The following MRC1 variants were observed in gnomAD, a reference collection of about 807,000 sequenced individuals.
MRC1 encodes the protein macrophage mannose receptor 1.
Under a neutral mutation model 102.9 loss-of-function variants are expected in MRC1, and 62 were observed. That is an observed-to-expected ratio of 0.60 (90% confidence interval 0.49 to 0.74). MRC1 has a LOEUF of 0.74. MRC1 is among the 30% of genes least tolerant of loss of function. The pLI, the probability that MRC1 is intolerant of heterozygous loss-of-function variation, is 0.00. For synonymous variants in MRC1, 457 were observed against 298.4 expected, an observed-to-expected ratio of 1.53 and a Z score of -5.48; for missense variants, 1,237 against 862.8, an observed-to-expected ratio of 1.43 and a Z score of -5.43.
At chr10:17,843,821 G>A (rs1293391664) in intron 5 of MRC1, among the ~76,000 whole-genome samples, 1 of 152,134 alleles carries the variant, frequency 6.6e-6, no homozygotes, top group African/African-American at 2.4e-5. Context: ...TCCAGACTTT[G>A]TGGAGCAGGT....
intron 22 of MRC1, among the ~76,000 whole-genome samples, chr10:17,888,240 G>C (rs1369108123): frequency 1.3e-5 from 2 of 152,342 alleles, no homozygotes; most frequent in African/African-American, 4.8e-5. Context: ...TTCTGGATCA[G>C]AGACTCTGAG....
intron 3 of MRC1, among the ~76,000 whole-genome samples, chr10:17,828,216 A>G (rs1402437376): frequency 2.6e-5 from 4 of 152,096 alleles, no homozygotes; most frequent in Admixed American, 2.0e-4. Flanking sequence ...AGCTGGGACT[A>G]CAGGCGCCCG....
chr10:17,854,742 G>A, intron 8 of MRC1: 1 of 230,060 alleles, frequency 4.3e-6, no homozygotes, highest in Non-Finnish European at 8.7e-6. Context: ...AGGCTGGAGT[G>A]CAATGGCACA....
chr10:17,845,800 A>G (rs1049419317), intron 6 of MRC1, among the ~76,000 whole-genome samples: 1 of 152,170 alleles, frequency 6.6e-6, no homozygotes, highest in Non-Finnish European at 1.5e-5. Context: ...TTTGGAAGGG[A>G]TGTTTATATT....
Position 17,899,405 on chromosome 10 carries a change from A to G in MRC1, c.3483+1139A>G, listed in dbSNP as rs1028692980. Among the ~76,000 whole-genome samples, 171 of 152,338 alleles carry G rather than the reference A, an allele frequency of 1.1e-3. 3 individuals carry two copies. In the Middle Eastern group the frequency reaches 0.044, roughly 39 times the overall value. On this transcript the variant is annotated intron_variant, in intron 24 of 29. Transcript: ENST00000569591. ...GAGTTTAAAGTAAGCTTTTATTTTTAGAAAGATTAAATAGTTTTTCATTGT... is the reference window on the plus strand; with the variant it reads ...GAGTTTAAAGTAAGCTTTTATTTTTGGAAAGATTAAATAGTTTTTCATTGT...
chr10:17,873,674 A>T, intron 15 of MRC1, 110 bp from the exon 16 acceptor site: 1 of 778,746 alleles, frequency 1.3e-6, no homozygotes, highest in Non-Finnish European at 2.4e-6. Flanking sequence ...GAAAAAAGAG[A>T]ACAACTAAGT....
chr10:17,875,520 G>A lies in MRC1; in HGVS notation c.2550+267G>A, dbSNP rs549919469. On this transcript the variant is annotated intron_variant, in intron 17 of 29. Transcript: ENST00000569591. Reference sequence around the variant, plus strand: ...TATGAGTGAGAACATGAGATGTTTGGTTTTCCATTCCTGAGTTACTTCCCT... The same window carrying A: ...TATGAGTGAGAACATGAGATGTTTGATTTTCCATTCCTGAGTTACTTCCCT... Among the ~76,000 whole-genome samples, 91 of 152,244 alleles carry A rather than the reference G, an allele frequency of 6.0e-4. 1 individual carries two copies. The East Asian group carries it at 0.017, about 28-fold the overall frequency.
At chr10:17,871,448 A>C (rs985278106) in intron 14 of MRC1, among the ~76,000 whole-genome samples, 63 of 152,304 alleles carry the variant, frequency 4.1e-4, no homozygotes, top group Admixed American at 2.8e-3. Flanking sequence ...TGAAAACTCC[A>C]TAGAGGACCT....
intron 8 of MRC1, 58 bp downstream of exon 8, chr10:17,853,182 T>C: frequency 1.3e-6 from 1 of 777,650 alleles, no homozygotes; most frequent in Non-Finnish European, 2.4e-6. Context: ...TTTTTCCTTC[T>C]GTCCCAGTCA....
Position 17,852,977 on chromosome 10 carries a change from C to T in MRC1, c.1260C>T (p.Asp420=), listed in dbSNP as rs1055904609. 189 of 780,750 alleles carry T rather than the reference C, an allele frequency of 2.4e-4. No individual in the cohort carries two copies. In the African/African-American group the frequency reaches 3.0e-3, roughly 12 times the overall value. 48.4% of individuals were successfully genotyped at this position (780,750 alleles called of 1,614,324 possible). ...IISQLGYEPN[D]ELWIGLNDIK... ...TTTCTTCCTGTTTAGAGCCAAATGA[C>T]GAATTGTGGATCGGCTTAAATGACA... The change falls in exon 8 of 30, where the codon GAC becomes GAT. Residue 420 remains aspartate (D), a synonymous_variant. Coordinates refer to ENST00000569591, the MANE Select transcript of MRC1 (RefSeq NM_002438.4).
intron 16 of MRC1, among the ~76,000 whole-genome samples, chr10:17,874,211 A>G (rs1833394463): frequency 6.6e-6 from 1 of 152,174 alleles, no homozygotes; most frequent in Admixed American, 6.5e-5. Flanking sequence ...CAAAATCCAG[A>G]TGTTGGCAGG....
At chr10:17,894,394 C>CTTTTTTTTTTTTTTTTTTTTT (rs34625338) in intron 23 of MRC1, 82 bp downstream of exon 23, 34 of 406,276 alleles carry the variant, frequency 8.4e-5, no homozygotes, top group African/African-American at 3.5e-4. Flanking sequence ...TTCTTTCTTT[C>CTTTTTTTTTTTTTTTTTTTTT]TTTTTTTTTT....
In MRC1 at chr10:17,873,637, G is replaced by T. The variant is rs1047436768; in HGVS notation, c.2345-147G>T. The T allele has an allele frequency of 1.6e-4, 116 of 719,382 alleles. No individual in the cohort carries two copies. In the South Asian group the frequency reaches 1.7e-3, roughly 10 times the overall value. 44.6% of individuals were successfully genotyped at this position (719,382 alleles called of 1,614,324 possible). A position where few individuals can be genotyped will look rare whatever the true frequency, so the allele number is the denominator to read the frequency against. On this transcript the variant is annotated intron_variant, in intron 15 of 29. Transcript: ENST00000569591. ...TTCATTCTGCCCTCCACAACATGAC[G>T]TGCAAATAGGAGAAAGAAAGGGAAG...
chr10:17,831,797 CATTT>C (rs1364911924), intron 3 of MRC1, among the ~76,000 whole-genome samples: 1 of 151,664 alleles, frequency 6.6e-6, no homozygotes, highest in Non-Finnish European at 1.5e-5. Context: ...CAAAATATTT[CATTT>C]GTTTACTAGC....
rs1367224032 is a variant in MRC1, at chr10:17,863,534, A to T, written c.1635A>T (p.Arg545Ser). Residue 545 changes from arginine to serine, a missense_variant and splice_region_variant, in exon 11 of 30, where the codon AGA becomes AGT. Arg to Ser is a moderately radical substitution (Grantham distance 110, BLOSUM62 -1). Transcript: ENST00000569591. Reference sequence around the variant, plus strand: ...TGAATGTTAATTCTTCTTTTTAAAGATATGAACAAGCCTTCCTGACTAGTT... The same window carrying T: ...TGAATGTTAATTCTTCTTTTTAAAGTTATGAACAAGCCTTCCTGACTAGTT... Reference protein sequence around the residue: ...ENAYLTTIEDRYEQAFLTSFV... With the variant: ...ENAYLTTIEDSYEQAFLTSFV... 3 of 780,848 alleles carry T rather than the reference A, an allele frequency of 3.8e-6. No homozygotes were observed. Among genetic ancestry groups the T allele is most frequent in the Non-Finnish European group, 7.2e-6 (3 of 417,962 alleles). The allele number at this position is 780,848 out of a possible 1,614,324, so 48.4% of individuals were successfully genotyped here. A position where few individuals can be genotyped will look rare whatever the true frequency, so the allele number is the denominator to read the frequency against.
chr10:17,885,364 C>G lies in MRC1; in HGVS notation c.3076C>G (p.Arg1026Gly), dbSNP rs1833578449. Residue 1026 changes from arginine to glycine, a missense_variant, in exon 22 of 30, where the codon CGA becomes GGA. By Grantham distance (125) the Arg-to-Gly change is moderately radical. Transcript: ENST00000569591. ...ACACACGTTCCTTTGGACGGATGGA[C>G]GAGGAGTCCATTACACAAACTGGGG... ...SEHTFLWTDG[R>G]GVHYTNWGKG... 1.3e-6 allele frequency: 1 copy of G among 780,778 alleles called. No individual in the cohort carries two copies. The highest frequency in any genetic ancestry group is 1.7e-5 in the Admixed American group (1 of 59,018). 48.4% of individuals were successfully genotyped at this position (780,778 alleles called of 1,614,324 possible).
At chr10:17,888,914 A>G (rs1487510401) in intron 22 of MRC1, among the ~76,000 whole-genome samples, 1 of 152,062 alleles carries the variant, frequency 6.6e-6, no homozygotes, top group Admixed American at 6.5e-5. Context: ...TTGCAGTTCT[A>G]TCAGTTCTCA....
chr10:17,842,743 G>T (rs1017691656), intron 5 of MRC1, among the ~76,000 whole-genome samples: 1 of 152,130 alleles, frequency 6.6e-6, no homozygotes, highest in African/African-American at 2.4e-5. Context: ...TCACTTGGGG[G>T]TGATGATTAT....
chr10:17,840,065 C>CAAAAA (rs35908194), intron 4 of MRC1, among the ~76,000 whole-genome samples: 10 of 103,090 alleles, frequency 9.7e-5, no homozygotes, highest in African/African-American at 3.3e-4. Context: ...GACTCCAACT[C>CAAAAA]AAAAAAAAAA....
Sources: gnomAD v4.1 joint callset for allele counts (sites outside exome capture counted in the v4.1 genomes callset) on GRCh38, gnomAD v4.1.1 for gene constraint, MANE v1.5 for transcripts, NCBI Gene and HGNC (gene_info 2026-07-23, HGNC 2026-07-21) for gene names.